The following CACNA2D3 variants were observed in gnomAD, a reference collection of about 807,000 sequenced individuals.
CACNA2D3 encodes the protein calcium voltage-gated channel auxiliary subunit alpha2delta 3, also known as voltage-dependent calcium channel subunit alpha-2/delta-3.
In CACNA2D3, 60 loss-of-function variants were observed where a neutral mutation model predicts 160.6. That is an observed-to-expected ratio of 0.37 (90% confidence interval 0.30 to 0.46). CACNA2D3 has a LOEUF of 0.46. CACNA2D3 is among the 20% of genes least tolerant of loss of function. The pLI is 1.00. For missense variants in CACNA2D3, 1,205 were observed against 1,365.0 expected (o/e 0.88, Z 1.85); for synonymous variants, 558 against 492.9 (o/e 1.13, Z -1.75).
chr3:54,157,308 T>G (rs1008953672), intron 2 of CACNA2D3, among the ~76,000 whole-genome samples: 1 of 152,124 alleles, frequency 6.6e-6, no homozygotes, highest in Non-Finnish European at 1.5e-5. Flanking sequence ...CCATTACCAA[T>G]GGGGGTTAGG....
chr3:54,955,252 G>C (rs1701855529), intron 27 of CACNA2D3, among the ~76,000 whole-genome samples: 1 of 152,074 alleles, frequency 6.6e-6, no homozygotes, highest in Admixed American at 6.6e-5. Flanking sequence ...GAAGGTGAGG[G>C]GCAGAGCTGC....
In CACNA2D3 at chr3:54,305,909, G is replaced by A. The variant is rs1163112162; in HGVS notation, c.205-14533G>A. 2.6e-5 allele frequency among the ~76,000 whole-genome samples: 4 copies of A among 152,176 alleles called. No individual in the cohort carries two copies. The East Asian group carries it at 5.8e-4, about 22-fold the overall frequency. On this transcript the variant is annotated intron_variant, in intron 2 of 37. Coordinates refer to ENST00000474759, the MANE Select transcript of CACNA2D3 (RefSeq NM_018398.3). The stretch of plus-strand genomic sequence containing the variant: ...CGTTTCCTGTGATGTCATGGTTGAT[G>A]TGGATATCTCCTTGCTGTTGCTCAT...
At chr3:54,440,951 G>C (rs1700135028) in intron 4 of CACNA2D3, among the ~76,000 whole-genome samples, 1 of 152,182 alleles carries the variant, frequency 6.6e-6, no homozygotes, top group Non-Finnish European at 1.5e-5. Flanking sequence ...AAACATACGT[G>C]TGCATGTGTC....
intron 13 of CACNA2D3, among the ~76,000 whole-genome samples, chr3:54,812,535 T>C (rs887215185): frequency 1.3e-5 from 2 of 152,222 alleles, no homozygotes; most frequent in Non-Finnish European, 2.9e-5. Context: ...ATCCACCTGA[T>C]ACACCACATA....
intron 27 of CACNA2D3, among the ~76,000 whole-genome samples, chr3:54,964,812 A>C (rs1250937595): frequency 6.6e-6 from 1 of 150,416 alleles, no homozygotes; most frequent in Non-Finnish European, 1.5e-5. Context: ...GGAGAGGGTT[A>C]TTCTTATTTT....
chr3:54,335,204 C>G (rs1473898667), intron 3 of CACNA2D3, among the ~76,000 whole-genome samples: 1 of 152,140 alleles, frequency 6.6e-6, no homozygotes, highest in East Asian at 1.9e-4. Context: ...TATTGCAGGA[C>G]AGGGGTCCCA....
intron 2 of CACNA2D3, among the ~76,000 whole-genome samples, chr3:54,211,914 T>G (rs1450873513): frequency 1.3e-5 from 2 of 152,174 alleles, no homozygotes; most frequent in Non-Finnish European, 2.9e-5. Context: ...GAGAGCAAGG[T>G]GCACAATGAA....
intron 4 of CACNA2D3, among the ~76,000 whole-genome samples, chr3:54,452,455 G>A (rs1046108778): frequency 6.6e-5 from 10 of 152,324 alleles, no homozygotes; most frequent in African/African-American, 2.2e-4. Context: ...TGTGTCTTCT[G>A]TAAGATGATA....
intron 5 of CACNA2D3, among the ~76,000 whole-genome samples, chr3:54,533,062 A>G (rs1701830147): frequency 6.6e-6 from 1 of 151,936 alleles, no homozygotes; most frequent in Non-Finnish European, 1.5e-5. Flanking sequence ...GGCCATGCCC[A>G]TTTCCTCCTC....
At chr3:54,573,986 A>G (rs1702541673) in intron 8 of CACNA2D3, among the ~76,000 whole-genome samples, 1 of 151,922 alleles carries the variant, frequency 6.6e-6, no homozygotes, top group East Asian at 1.9e-4. Flanking sequence ...GGGCGACCCA[A>G]CTGCAGGTTC....
intron 4 of CACNA2D3, among the ~76,000 whole-genome samples, chr3:54,437,724 T>C (rs1259078063): frequency 1.3e-5 from 2 of 152,252 alleles, no homozygotes; most frequent in Admixed American, 1.3e-4. Context: ...TTTTTTACCA[T>C]CTTCCTTTCT....
intron 9 of CACNA2D3, among the ~76,000 whole-genome samples, chr3:54,592,789 T>A (rs1050121101): frequency 7.9e-5 from 12 of 152,248 alleles, no homozygotes; most frequent in African/African-American, 2.9e-4. Context: ...TTGGCAGTTT[T>A]GATCTTTTCT....
chr3:54,215,914 T>C (rs1239137143), intron 2 of CACNA2D3, among the ~76,000 whole-genome samples: 1 of 151,980 alleles, frequency 6.6e-6, no homozygotes, highest in Non-Finnish European at 1.5e-5. Context: ...TCAAATATCC[T>C]TTCTCTTATG....
intron 2 of CACNA2D3, among the ~76,000 whole-genome samples, chr3:54,301,319 C>T (rs536492619): frequency 6.6e-6 from 1 of 150,476 alleles, no homozygotes; most frequent in Non-Finnish European, 1.5e-5. Context: ...AAAAAAGAGG[C>T]CGGGGATGGC....
intron 6 of CACNA2D3, among the ~76,000 whole-genome samples, chr3:54,568,802 A>G (rs576663392): frequency 6.6e-6 from 1 of 152,336 alleles, no homozygotes; most frequent in African/African-American, 2.4e-5. Flanking sequence ...ATCTCTTTGC[A>G]TTACAGACTA....
intron 4 of CACNA2D3, among the ~76,000 whole-genome samples, chr3:54,478,880 C>G (rs1222099580): frequency 1.3e-5 from 2 of 150,842 alleles, no homozygotes; most frequent in African/African-American, 4.9e-5. Context: ...TTACTTATTA[C>G]TTATTGTTAA....
At chr3:54,227,441 G>A (rs183746185) in intron 2 of CACNA2D3, among the ~76,000 whole-genome samples, 2 of 151,952 alleles carry the variant, frequency 1.3e-5, no homozygotes, top group Non-Finnish European at 2.9e-5. Context: ...CAAATTTTTA[G>A]TCTTTTAGAA....
At chr3:54,378,868 A>G (rs1699053795) in intron 3 of CACNA2D3, among the ~76,000 whole-genome samples, 1 of 152,226 alleles carries the variant, frequency 6.6e-6, no homozygotes, top group African/African-American at 2.4e-5. Flanking sequence ...TGGCAAATGC[A>G]GGCTTAGATG....
chr3:54,531,668 G>A (rs1005187426), intron 5 of CACNA2D3, among the ~76,000 whole-genome samples: 4 of 152,168 alleles, frequency 2.6e-5, no homozygotes, highest in African/African-American at 7.2e-5. Flanking sequence ...TGTGATGTCC[G>A]GGTTCGGAAT....
Sources: allele counts gnomAD v4.1 joint callset (sites outside exome capture counted in the v4.1 genomes callset), GRCh38; gene constraint gnomAD v4.1.1; transcripts MANE v1.5; gene names NCBI Gene and HGNC (gene_info 2026-07-23, HGNC 2026-07-21).